The following RTEL1 variants were observed in gnomAD, a reference collection of about 807,000 sequenced individuals.
RTEL1 encodes the protein regulator of telomere elongation helicase 1, also known as regulator of telomere length.
A neutral mutation model predicts 162.2 loss-of-function variants in RTEL1; 86 were observed. The observed-to-expected ratio is 0.53, with a 90% confidence interval of 0.45 to 0.63. RTEL1 has a LOEUF of 0.63. Ranked by LOEUF, RTEL1 falls within the 30% of genes least tolerant of loss-of-function variation. The pLI is 0.00. For synonymous variants in RTEL1, 958 were observed against 717.9 expected, an observed-to-expected ratio of 1.33 and a Z score of -5.35; for missense variants, 1,941 against 1,750.2, an observed-to-expected ratio of 1.11 and a Z score of -1.95.
intron 28 of RTEL1, 197 bp from the exon 29 acceptor site, chr20:63,692,608 T>G (rs888866353): frequency 1.6e-6 from 1 of 606,644 alleles, no homozygotes; most frequent in Non-Finnish European, 2.9e-6. Flanking sequence ...CTGTGTGACC[T>G]CAGACGGGCC....
chr20:63,690,490 CGGCGTGGGGCGGG>C, intron 26 of RTEL1, 49 bp downstream of exon 26: 7 of 534,838 alleles, frequency 1.3e-5, no homozygotes, highest in African/African-American at 2.0e-5. Flanking sequence ...GCGGAGCGGG[CGGCGTGGGGCGGG>C]CAGCACCAGG....
Position 63,693,594 on chromosome 20 carries a change from ACCT to A in RTEL1, c.2992+314_2992+316del, listed in dbSNP as rs1233152224. Among the ~76,000 whole-genome samples, 76 of 79,152 alleles carry A rather than the reference ACCT, an allele frequency of 9.6e-4. 1 individual carries two copies. The highest frequency in any genetic ancestry group is 1.4e-3 in the Non-Finnish European group (55 of 39,016). The allele number at this position is 79,152 out of a possible 152,430, so 51.9% of individuals were successfully genotyped here. ...CTCCACCTCCACCACCACCACCTCC[ACCT>A]CCACCACCACCACCTCCACCTCCAC... is the stretch of plus-strand genomic sequence containing the variant. On this transcript the variant is annotated intron_variant, in intron 30 of 34. Transcript: ENST00000360203.
chr20:63,689,483 T>A lies in RTEL1; in HGVS notation c.1879-19T>A, dbSNP rs763638601. 4.5e-6 allele frequency: 7 copies of A among 1,558,224 alleles called. No homozygotes were observed. The African/African-American group carries it at 9.5e-5, about 21-fold the overall frequency. ...AGGAGCCCCCACGGCCCCAGGCAGCTCCCTGGTGTGTCCCCTAGGCCAGCG... is the reference window on the plus strand; with the variant it reads ...AGGAGCCCCCACGGCCCCAGGCAGCACCCTGGTGTGTCCCCTAGGCCAGCG... On this transcript the variant is annotated intron_variant, in intron 22 of 34. Transcript: ENST00000360203.
Position 63,662,899 on chromosome 20 carries a change from G to T in RTEL1, c.538+10G>T. 1 of 1,613,638 alleles carries T rather than the reference G, an allele frequency of 6.2e-7. No homozygotes were observed. The highest frequency in any genetic ancestry group is 1.1e-5 in the South Asian group (1 of 91,084). On this transcript the variant is annotated intron_variant, in intron 6 of 34. Transcript: ENST00000360203. ...TACAACAACGTAGAAGGTACAAGCA[G>T]CTGGGTGGGACCAGGGTCGGGTTGG...
chr20:63,689,950 G>A, intron 24 of RTEL1, 85 bp downstream of exon 24: 1 of 1,552,694 alleles, frequency 6.4e-7, no homozygotes, highest in Admixed American at 1.7e-5. Context: ...CCCACATGAG[G>A]CCCCGTCTCC....
rs1222249904 is a variant in RTEL1 at position 63,691,736 on chromosome 20, C to T, written c.2557-6C>T. On this transcript the variant is annotated splice_polypyrimidine_tract_variant and splice_region_variant and intron_variant, in intron 27 of 34. Transcript: ENST00000360203. ...TGTGTGTGGTTGTGAGCTGTGTCCT[C>T]CTCAGGCCCACAGCTGCTCCACCCT... 11 of 1,610,974 alleles carry T rather than the reference C, an allele frequency of 6.8e-6. No homozygotes were observed. The highest frequency in any genetic ancestry group is 1.3e-5 in the African/African-American group (1 of 74,866).
intron 14 of RTEL1, among the ~76,000 whole-genome samples, chr20:63,685,266 C>T (rs892700722): frequency 6.6e-6 from 1 of 152,016 alleles, no homozygotes; most frequent in Admixed American, 6.6e-5. Context: ...AGGAGAGGCC[C>T]CTCGGGCTGC....
chr20:63,667,855 C>T (rs1283011491), intron 8 of RTEL1, among the ~76,000 whole-genome samples: 1 of 152,120 alleles, frequency 6.6e-6, no homozygotes, highest in Non-Finnish European at 1.5e-5. Context: ...AGGTTCTCTC[C>T]TTCACGTCAG....
chr20:63,690,918 CA>C lies in RTEL1; in HGVS notation c.2528del (p.Gln843ArgfsTer61). On this transcript the variant is annotated frameshift_variant, in exon 27 of 35. Transcript: ENST00000360203. LOFTEE classifies it high-confidence loss of function. ...GCTGGCCGCCCTGGAGCACAGCGAA[CA>C]GCGGGCGGGGAGCCCTGGCGAGGAG... is the stretch of plus-strand genomic sequence containing the variant. ...GLLAALEHSE[Q>X]RAGSPGEEQA... 1 of 1,565,208 alleles carries C rather than the reference CA, an allele frequency of 6.4e-7. No homozygotes were observed. The highest frequency in any genetic ancestry group is 8.7e-7 in the Non-Finnish European group (1 of 1,155,524).
chr20:63,681,229 A>G (rs545177305), intron 14 of RTEL1: 13 of 985,394 alleles, frequency 1.3e-5, no homozygotes, highest in African/African-American at 8.7e-5. Context: ...TGCCCGTCCC[A>G]TGTGAGGTCT....
rs761447586 is a variant in RTEL1, at chr20:63,694,899, G to A, written c.3268G>A (p.Asp1090Asn). ...AGCGCTGACAGCCTATAAGCAAGACGACGACCTCGACAAGGTGCTGGCTGT... is the reference window on the plus strand; with the variant it reads ...AGCGCTGACAGCCTATAAGCAAGACAACGACCTCGACAAGGTGCTGGCTGT... ...LAALTAYKQDDDLDKVLAVLA... is the reference protein window; with the variant it reads ...LAALTAYKQDNDLDKVLAVLA... The change falls in exon 32 of 35, where the codon GAC (aspartate) becomes AAC (asparagine). Residue 1090 changes from aspartate to asparagine, a missense_variant. Asp to Asn is a conservative substitution (Grantham distance 23). Coordinates refer to ENST00000360203, the MANE Select transcript of RTEL1 (RefSeq NM_001283009.2). 8.7e-6 allele frequency: 14 copies of A among 1,612,630 alleles called. No individual in the cohort carries two copies. The highest frequency in any genetic ancestry group is 1.7e-4 in the Middle Eastern group (1 of 6,060).
rs754549270 is a variant in RTEL1, at chr20:63,678,139, G to A, written c.920-6G>A. On this transcript the variant is annotated splice_polypyrimidine_tract_variant and splice_region_variant and intron_variant, in intron 10 of 34. Transcript: ENST00000360203. ...AGACTGCCTTTGCTGCCTTTCTCTTGCCCAGGGCTGAACATGGAGCTGGAA... is the reference window on the plus strand; with the variant it reads ...AGACTGCCTTTGCTGCCTTTCTCTTACCCAGGGCTGAACATGGAGCTGGAA... 6.2e-7 allele frequency: 1 copy of A among 1,614,136 alleles called. No homozygotes were observed.
chr20:63,690,288 C>G lies in RTEL1; in HGVS notation c.2266-6C>G. 1.2e-6 allele frequency: 2 copies of G among 1,603,674 alleles called. No individual in the cohort carries two copies. The highest frequency in any genetic ancestry group is 1.7e-6 in the Non-Finnish European group (2 of 1,173,152). On this transcript the variant is annotated splice_polypyrimidine_tract_variant and splice_region_variant and intron_variant, in intron 25 of 34. Coordinates refer to ENST00000360203, the MANE Select transcript of RTEL1 (RefSeq NM_001283009.2). ...AATGGGTCCACCCACCCCCATGGTT[C>G]TGCAGATGCCAGCGCCGGCCCCCCG...
chr20:63,693,311 A>T lies in RTEL1; in HGVS notation c.2992+28A>T, dbSNP rs201529044. ...AAATGGGGCCCCAGGTGGGACCCTC[A>T]GACTCCTGCGTGGAAGGCAGTGTGG... On this transcript the variant is annotated intron_variant, in intron 30 of 34. Transcript: ENST00000360203. The T allele has an allele frequency of 1.7e-5, 27 of 1,610,210 alleles. No individual in the cohort carries two copies. The African/African-American group carries it at 2.9e-4, about 18-fold the overall frequency.
intron 15 of RTEL1, 56 bp downstream of exon 15, chr20:63,685,653 T>C (rs1351671691): frequency 1.1e-5 from 18 of 1,593,122 alleles, no homozygotes; most frequent in Non-Finnish European, 1.5e-5. Context: ...CCGGCAGGGC[T>C]GGGGGCCTTA....
In RTEL1 at chr20:63,687,973, C is replaced by T. The variant is rs757231662; in HGVS notation, c.1518C>T (p.Ile506=). Reference sequence around the variant, plus strand: ...TCTGCCTGGAGAACCCACACATCATCGACAAGCACCAGATCTGGGTGGGGG... The same window carrying T: ...TCTGCCTGGAGAACCCACACATCATTGACAAGCACCAGATCTGGGTGGGGG... ...FPVCLENPHI[I]DKHQIWVGVV... Residue 506 remains isoleucine (I), a synonymous_variant, in exon 18 of 35, where the codon ATC becomes ATT. Transcript: ENST00000360203. The T allele has an allele frequency of 5.5e-5, 88 of 1,612,698 alleles. No individual in the cohort carries two copies. Among genetic ancestry groups the T allele is most frequent in the East Asian group, 8.9e-5 (4 of 44,882 alleles).
In RTEL1 at chr20:63,696,194, C is replaced by G. The variant is rs2090976715; in HGVS notation, c.*336C>G. 2.3e-6 allele frequency: 1 copy of G among 432,680 alleles called. No homozygotes were observed. Among genetic ancestry groups the G allele is most frequent in the South Asian group, 3.6e-5 (1 of 27,654 alleles). 26.8% of individuals were successfully genotyped at this position (432,680 alleles called of 1,614,324 possible). A position where few individuals can be genotyped will look rare whatever the true frequency, so the allele number is the denominator to read the frequency against. On this transcript the variant is annotated 3_prime_UTR_variant, in exon 35 of 35. Transcript: ENST00000360203. ...GGAGGAGACCCCCGTGGGCACGTGT[C>G]CACTTTTAATCAGGGGACAGGGCTC... is the stretch of plus-strand genomic sequence containing the variant.
In RTEL1 at chr20:63,689,150, C is replaced by T; in HGVS notation, c.1878+18C>T. The T allele has an allele frequency of 6.2e-7, 1 of 1,604,412 alleles. No homozygotes were observed. The highest frequency in any genetic ancestry group is 8.5e-7 in the Non-Finnish European group (1 of 1,178,088). On this transcript the variant is annotated intron_variant, in intron 22 of 34. Coordinates refer to ENST00000360203, the MANE Select transcript of RTEL1 (RefSeq NM_001283009.2). ...GGGGCAAGGTGAGCTCTCCAGGGCCCTCTGCCCTGACCTGGTTGCCTGTTC... is the reference window on the plus strand; with the variant it reads ...GGGGCAAGGTGAGCTCTCCAGGGCCTTCTGCCCTGACCTGGTTGCCTGTTC...
chr20:63,694,591 C>G (rs867316615), intron 31 of RTEL1, 103 bp downstream of exon 31: 2 of 1,244,140 alleles, frequency 1.6e-6, no homozygotes, highest in Middle Eastern at 2.6e-4. Context: ...CTGTGGGGAG[C>G]CATCTCATGG....
Sources: allele counts gnomAD v4.1 joint callset (sites outside exome capture counted in the v4.1 genomes callset), GRCh38; gene constraint gnomAD v4.1.1; transcripts MANE v1.5; gene names NCBI Gene and HGNC (gene_info 2026-07-23, HGNC 2026-07-21).